Variants in TIMMDC1 observed in about 807,000 individuals in gnomAD.
The protein encoded by TIMMDC1 is translocase of inner mitochondrial membrane domain containing 1.
TIMMDC1 carries 25 observed loss-of-function variants against 32.6 expected under a neutral mutation model. The ratio of observed to expected loss-of-function variants is 0.77; its 90% CI spans 0.56 to 1.07. The LOEUF (loss-of-function observed/expected upper bound fraction) is 1.07. TIMMDC1 is among the 50% of genes least tolerant of loss of function. The pLI is 0.00. For synonymous variants in TIMMDC1, 130 were observed against 127.6 expected (o/e 1.02, Z -0.13); for missense variants, 329 against 349.2 (o/e 0.94, Z 0.46).
rs375514181 is a variant in TIMMDC1 at position 119,519,595 on chromosome 3, C to CAT, written c.707+2293_707+2294dup. Among the ~76,000 whole-genome samples the CAT allele has an allele frequency of 1.1e-3, 165 of 151,084 alleles. 1 individual carries two copies. Among genetic ancestry groups the CAT allele is most frequent in the Middle Eastern group, 3.5e-3 (1 of 288 alleles). ...TATATGCACCCAACACCAGAGCATC[C>CAT]ATATATATATATATCTAAACAAATA... On this transcript the variant is annotated intron_variant, in intron 6 of 6. Transcript: ENST00000494664.
chr3:119,505,587 G>A (rs548132144), intron 4 of TIMMDC1, among the ~76,000 whole-genome samples: 255 of 152,182 alleles, frequency 1.7e-3, no homozygotes, highest in African/African-American at 5.7e-3. Context: ...GGCTGGTCTC[G>A]AACTCCCGAC....
intron 2 of TIMMDC1, 131 bp from the exon 3 acceptor site, chr3:119,503,401 G>T: frequency 1.6e-6 from 1 of 620,082 alleles, no homozygotes; most frequent in Non-Finnish European, 2.7e-6. Flanking sequence ...AGTATTTCTA[G>T]AGATTTTCTA....
intron 6 of TIMMDC1, among the ~76,000 whole-genome samples, 183 bp from the exon 7 acceptor site, chr3:119,523,423 T>C (rs1389296139): frequency 6.6e-6 from 1 of 152,182 alleles, no homozygotes; most frequent in East Asian, 1.9e-4. Flanking sequence ...GAAATCATAA[T>C]TGGCTTGTGA....
intron 2 of TIMMDC1, among the ~76,000 whole-genome samples, chr3:119,501,555 C>A (rs2081875913): frequency 6.6e-6 from 1 of 152,070 alleles, no homozygotes; most frequent in Non-Finnish European, 1.5e-5. Context: ...ATTATAATAT[C>A]AAGATCAGGA....
chr3:119,519,202 C>G (rs2082007025), intron 6 of TIMMDC1, among the ~76,000 whole-genome samples: 1 of 152,016 alleles, frequency 6.6e-6, no homozygotes, highest in Admixed American at 6.5e-5. Context: ...AAAGATTATA[C>G]AAAACAACCA....
At chr3:119,517,013 G>A (rs1052979710) in intron 5 of TIMMDC1, among the ~76,000 whole-genome samples, 192 bp from the exon 6 acceptor site, 1 of 152,064 alleles carries the variant, frequency 6.6e-6, no homozygotes, top group Non-Finnish European at 1.5e-5. Context: ...GTTTTTGTCT[G>A]TTGTTCAGAC....
intron 4 of TIMMDC1, among the ~76,000 whole-genome samples, chr3:119,512,567 C>T (rs574186769): frequency 6.6e-6 from 1 of 151,384 alleles, no homozygotes; most frequent in Admixed American, 6.6e-5. Context: ...TGTGAGCCAC[C>T]GTGCCCGGCC....
chr3:119,500,921 TAATC>T (rs1279009397), intron 2 of TIMMDC1, 61 bp downstream of exon 2: 2 of 1,517,716 alleles, frequency 1.3e-6, no homozygotes, highest in Non-Finnish European at 1.8e-6. Context: ...ACTTTACACT[TAATC>T]ATTCAATTAG....
intron 4 of TIMMDC1, among the ~76,000 whole-genome samples, chr3:119,510,758 A>G (rs1429334929): frequency 6.6e-6 from 1 of 152,246 alleles, no homozygotes; most frequent in Non-Finnish European, 1.5e-5. Flanking sequence ...GTTAACATTT[A>G]TTATGGTGCT....
At chr3:119,523,321 C>T (rs1026693830) in intron 6 of TIMMDC1, among the ~76,000 whole-genome samples, 2 of 152,144 alleles carry the variant, frequency 1.3e-5, no homozygotes, top group Non-Finnish European at 2.9e-5. Context: ...AGTTCCCACA[C>T]ATCACTCCTG....
Position 119,523,602 on chromosome 3 carries a change from A to G in TIMMDC1, c.708-4A>G. 1.9e-6 allele frequency: 3 copies of G among 1,591,246 alleles called. No individual in the cohort carries two copies. Among genetic ancestry groups the G allele is most frequent in the Non-Finnish European group, 2.6e-6 (3 of 1,171,814 alleles). ...TTTGATTTATCCTTTTTATCTGATT[A>G]CAGGAAAGGCAGACTACAAGTTACT... On this transcript the variant is annotated splice_region_variant and splice_polypyrimidine_tract_variant and intron_variant, in intron 6 of 6. Coordinates refer to ENST00000494664, the MANE Select transcript of TIMMDC1 (RefSeq NM_016589.4).
rs776487238 is a variant in TIMMDC1, at chr3:119,503,670, A to AG, written c.449+52dup. On this transcript the variant is annotated intron_variant, in intron 3 of 6. Coordinates refer to ENST00000494664, the MANE Select transcript of TIMMDC1 (RefSeq NM_016589.4). The stretch of plus-strand genomic sequence containing the variant: ...TAGTGAATTTTCTTGATATTGTTTT[A>AG]GGAGTGTGTCTTTTGAGCAGGTGGG... 4.9e-5 allele frequency: 71 copies of AG among 1,445,774 alleles called. 1 individual carries two copies. The East Asian group carries it at 1.2e-3, about 24-fold the overall frequency. The allele number at this position is 1,445,774 out of a possible 1,614,324, so 89.6% of individuals were successfully genotyped here. A position where few individuals can be genotyped will look rare whatever the true frequency, so the allele number is the denominator to read the frequency against.
chr3:119,507,199 C>T (rs2081923794), intron 4 of TIMMDC1, among the ~76,000 whole-genome samples: 1 of 152,166 alleles, frequency 6.6e-6, no homozygotes, highest in Admixed American at 6.5e-5. Context: ...GATAAATTCT[C>T]AGTGATTGTT....
chr3:119,519,489 T>TA (rs35291489), intron 6 of TIMMDC1, among the ~76,000 whole-genome samples: 50,405 of 151,634 alleles, frequency 0.33, 8,744 homozygotes, highest in East Asian at 0.48. Context: ...AGGCTTTAAA[T>TA]AAAAAACTAT....
chr3:119,506,623 C>G (rs2081920740), intron 4 of TIMMDC1, among the ~76,000 whole-genome samples: 1 of 151,392 alleles, frequency 6.6e-6, no homozygotes, highest in African/African-American at 2.4e-5. Flanking sequence ...TATATGGATT[C>G]TTTCACTTCT....
chr3:119,509,261 A>C (rs1170797363), intron 4 of TIMMDC1, among the ~76,000 whole-genome samples: 1 of 152,170 alleles, frequency 6.6e-6, no homozygotes, highest in Non-Finnish European at 1.5e-5. Context: ...ATGTCTTAGA[A>C]TCTGCCCAAG....
intron 1 of TIMMDC1, among the ~76,000 whole-genome samples, chr3:119,500,045 C>G (rs1349164195): frequency 2.6e-5 from 4 of 152,198 alleles, no homozygotes; most frequent in African/African-American, 9.7e-5. Flanking sequence ...GCTGTGACTA[C>G]AGGCGTGTGC....
chr3:119,504,393 G>A (rs2081902547), intron 4 of TIMMDC1, among the ~76,000 whole-genome samples: 1 of 152,210 alleles, frequency 6.6e-6, no homozygotes, highest in Non-Finnish European at 1.5e-5. Context: ...GACTTGCAAG[G>A]AAGGGTGTCC....
At chr3:119,511,568 A>G (rs1490921056) in intron 4 of TIMMDC1, among the ~76,000 whole-genome samples, 2 of 152,230 alleles carry the variant, frequency 1.3e-5, no homozygotes, top group African/African-American at 4.8e-5. Flanking sequence ...ATTTTTAAGC[A>G]TAAGAACTAA....
Sources: allele counts gnomAD v4.1 joint callset (sites outside exome capture counted in the v4.1 genomes callset), GRCh38; gene constraint gnomAD v4.1.1; transcripts MANE v1.5; gene names NCBI Gene and HGNC (gene_info 2026-07-23, HGNC 2026-07-21).